RANBP2: variants seen among roughly 807,000 people sequenced by gnomAD.
The protein encoded by RANBP2 is E3 SUMO-protein ligase RanBP2.
A neutral mutation model predicts 303.6 loss-of-function variants in RANBP2; 57 were observed. The ratio of observed to expected loss-of-function variants is 0.19; its 90% CI spans 0.15 to 0.23. RANBP2 has a LOEUF of 0.23. Ranked by LOEUF, RANBP2 falls within the 10% of genes least tolerant of loss-of-function variation. RANBP2 has a pLI of 1.00. For missense variants in RANBP2, 3,138 were observed against 3,780.8 expected (o/e 0.83, Z 4.46); for synonymous variants, 1,167 against 1,301.5 (o/e 0.90, Z 2.23).
chr2:109,421,836 G>A, the RANBP2 span, among the ~76,000 whole-genome samples: 1 of 152,222 alleles, frequency 6.6e-6, no homozygotes, highest in Admixed American at 6.5e-5. Context: ...TGTGACTGGT[G>A]ATGGTCCGTT....
chr2:108,896,805 C>T, the RANBP2 span: 5 of 1,216,688 alleles, frequency 4.1e-6, no homozygotes, highest in African/African-American at 6.0e-5. Flanking sequence ...TGACATATCA[C>T]AAAAGCCTTG....
chr2:109,645,012 T>C, the RANBP2 span, among the ~76,000 whole-genome samples: 1 of 152,318 alleles, frequency 6.6e-6, no homozygotes, highest in South Asian at 2.1e-4. Context: ...CTGAGCAGCT[T>C]TGTTTGCCTC....
chr2:109,651,812 A>G, the RANBP2 span, among the ~76,000 whole-genome samples: 1 of 152,186 alleles, frequency 6.6e-6, no homozygotes, highest in African/African-American at 2.4e-5. Flanking sequence ...CATCCACCGC[A>G]GAGGCTTTCA....
the RANBP2 span, among the ~76,000 whole-genome samples, chr2:109,529,743 G>GTCACC: frequency 6.6e-6 from 1 of 152,188 alleles, no homozygotes; most frequent in Non-Finnish European, 1.5e-5. Context: ...GTCATAAGAG[G>GTCACC]TCACCTCACC....
chr2:108,853,924 TATATATAATTTATATATAATATACAATAA>T, the RANBP2 span, among the ~76,000 whole-genome samples: 14 of 115,234 alleles, frequency 1.2e-4, no homozygotes, highest in African/African-American at 5.4e-4. Flanking sequence ...GTATATATAT[TATATATAATTTATATATAATATACAATAA>T]ATATATATAA....
At chr2:109,730,774 CTCT>C in the RANBP2 span, among the ~76,000 whole-genome samples, 1 of 126,914 alleles carries the variant, frequency 7.9e-6, no homozygotes, top group African/African-American at 3.1e-5. Flanking sequence ...GTCTCTCTCT[CTCT>C]TTTTTTTTTT....
chr2:109,230,106 G>A, the RANBP2 span, among the ~76,000 whole-genome samples: 5 of 151,970 alleles, frequency 3.3e-5, no homozygotes, highest in Non-Finnish European at 7.4e-5. Context: ...TTACAGGTGC[G>A]AGCCACCGCA....
the RANBP2 span, among the ~76,000 whole-genome samples, chr2:109,201,161 C>T: frequency 2.0e-5 from 3 of 152,222 alleles, no homozygotes; most frequent in African/African-American, 4.8e-5. Flanking sequence ...GTCTTCCTTC[C>T]GGCGGCCTCT....
At chr2:108,792,069 T>G in the RANBP2 span, among the ~76,000 whole-genome samples, 1 of 152,222 alleles carries the variant, frequency 6.6e-6, no homozygotes, top group Non-Finnish European at 1.5e-5. Flanking sequence ...GTGGTAGTAT[T>G]TGACTACAAT....
chr2:108,758,350 C>T (rs916654771), intron 17 of RANBP2, 63 bp from the exon 18 acceptor site: 2 of 1,603,356 alleles, frequency 1.2e-6, no homozygotes, highest in East Asian at 2.3e-5. Context: ...GTTTCCCCAG[C>T]ACTGTTTCTG....
chr2:108,848,582 A>G, the RANBP2 span, among the ~76,000 whole-genome samples: 1 of 152,226 alleles, frequency 6.6e-6, no homozygotes, highest in Non-Finnish European at 1.5e-5. Flanking sequence ...GATGTCCCAT[A>G]TGGCTTAATG....
chr2:109,561,993 C>T, the RANBP2 span, among the ~76,000 whole-genome samples: 5 of 133,766 alleles, frequency 3.7e-5, no homozygotes, highest in Non-Finnish European at 7.8e-5. Flanking sequence ...ATTCCTGACC[C>T]CAAGGCCAGG....
At chr2:109,615,771 C>T in the RANBP2 span, 1 of 1,614,116 alleles carries the variant, frequency 6.2e-7, no homozygotes, top group Non-Finnish European at 8.5e-7. Flanking sequence ...CACCTACAAA[C>T]TCTCACACGC....
the RANBP2 span, among the ~76,000 whole-genome samples, chr2:108,914,939 G>GT: frequency 1.3e-5 from 2 of 152,218 alleles, no homozygotes; most frequent in African/African-American, 4.8e-5. Context: ...TTGAGACAAG[G>GT]TCTCACTCTG....
At chr2:108,904,223 TAAAC>T in the RANBP2 span, among the ~76,000 whole-genome samples, 4 of 152,166 alleles carry the variant, frequency 2.6e-5, no homozygotes, top group Admixed American at 2.0e-4. Flanking sequence ...AAAACATATT[TAAAC>T]AATAGGAACA....
the RANBP2 span, among the ~76,000 whole-genome samples, chr2:109,523,674 G>A: frequency 1.3e-5 from 2 of 152,048 alleles, no homozygotes; most frequent in Non-Finnish European, 2.9e-5. Context: ...CTGGCACCTC[G>A]CCCAGCTCTC....
At chr2:109,271,095 C>G in the RANBP2 span, among the ~76,000 whole-genome samples, 1 of 152,166 alleles carries the variant, frequency 6.6e-6, no homozygotes, top group South Asian at 2.1e-4. Context: ...CACCCCAGCT[C>G]AAGCACCCAG....
the RANBP2 span, among the ~76,000 whole-genome samples, chr2:108,795,150 A>ATTTTTTTTTTT: frequency 9.4e-5 from 8 of 85,012 alleles, 1 homozygote; most frequent in East Asian, 3.7e-4. Flanking sequence ...TCTAAAGTGT[A>ATTTTTTTTTTT]TTTTTTTTTT....
the RANBP2 span, among the ~76,000 whole-genome samples, chr2:109,004,387 A>G: frequency 6.6e-6 from 1 of 152,186 alleles, no homozygotes; most frequent in Non-Finnish European, 1.5e-5. Flanking sequence ...CAACACTCAA[A>G]AGTGTCTTAG....
Sources: allele counts gnomAD v4.1 joint callset (sites outside exome capture counted in the v4.1 genomes callset), GRCh38; gene constraint gnomAD v4.1.1; transcripts MANE v1.5; gene names NCBI Gene and HGNC (gene_info 2026-07-23, HGNC 2026-07-21).